The following KIF1C variants were observed in gnomAD, a reference collection of about 807,000 sequenced individuals.
The protein encoded by KIF1C is kinesin family member 1C.
A neutral mutation model predicts 126.5 loss-of-function variants in KIF1C; 61 were observed. The observed-to-expected ratio is 0.48, with a 90% CI of 0.39 to 0.60. The LOEUF (loss-of-function observed/expected upper bound fraction) is 0.60. Ranked by LOEUF, KIF1C falls within the 20% of genes least tolerant of loss-of-function variation. The pLI is 0.00. For missense variants in KIF1C, 1,315 were observed against 1,489.2 expected (o/e 0.88, Z 1.93); for synonymous variants, 640 against 580.6 (o/e 1.10, Z -1.47).
At position 5,020,386 on chromosome 17, in the gene KIF1C, G is replaced by C. The variant is rs1567727619; in HGVS notation, c.1751-106G>C. ...CTGCCTTCAGACTTGGGGTGATGAA[G>C]GGGAGGGTGTCACAGCCCCTGTGCC... On this transcript the variant is annotated intron_variant, in intron 19 of 22. Transcript: ENST00000320785. The surrounding 1 kb of genome is among the most constrained non-coding windows in gnomAD (Gnocchi z 5.8). 2.6e-6 allele frequency: 3 copies of C among 1,172,892 alleles called. No homozygotes were observed. The highest frequency in any genetic ancestry group is 1.5e-5 in the African/African-American group (1 of 64,860). The allele number at this position is 1,172,892 out of a possible 1,614,324, so 72.7% of individuals were successfully genotyped here.
Position 5,023,895 on chromosome 17 carries a change from G to A in KIF1C, c.3056G>A (p.Arg1019Gln), listed in dbSNP as rs764293529. 7.1e-6 allele frequency: 11 copies of A among 1,547,672 alleles called. No individual in the cohort carries two copies. The East Asian group carries it at 1.6e-4, about 22-fold the overall frequency. ...CCCCATCCAGCCACCCCTGCCCGCC[G>A]GCCTCCGAGTCCCCGAAGGTCCCAC... ...VTPHPATPAR[R>Q]PPSPRRSHHP... Residue 1019 changes from arginine (R) to glutamine (Q), a missense_variant, in exon 23 of 23, where the codon CGG becomes CAG. Transcript: ENST00000320785. The surrounding 1 kb of genome is among the most constrained non-coding windows in gnomAD (Gnocchi z 4.2).
Position 5,007,314 on chromosome 17 carries a change from C to T in KIF1C, c.1387C>T (p.Arg463Cys), listed in dbSNP as rs759516774. Residue 463 changes from arginine (R) to cysteine (C), a missense_variant, in exon 15 of 23, where the codon CGC (arginine) becomes TGC (cysteine). Around this residue, in one of 2 missense-constraint regions of KIF1C, gnomAD observed 874 missense variants for 1,053.2 expected, o/e 0.83. Coordinates refer to ENST00000320785, the MANE Select transcript of KIF1C (RefSeq NM_006612.6). ...ELNETWEEKL[R>C]KTEALRMERE... Reference sequence around the variant, plus strand: ...GAACGAGACATGGGAGGAGAAGCTACGCAAGACAGAAGCCCTGAGGATGGA... The same window carrying T: ...GAACGAGACATGGGAGGAGAAGCTATGCAAGACAGAAGCCCTGAGGATGGA... 3.5e-5 allele frequency: 57 copies of T among 1,613,014 alleles called. No individual in the cohort carries two copies. The highest frequency in any genetic ancestry group is 1.6e-4 in the South Asian group (15 of 91,016).
At position 5,025,159 on chromosome 17, in the gene KIF1C, C is replaced by G. The variant is rs1191977118; in HGVS notation, c.*1008C>G. ...AAAGTGGTGGGATTACAGGTGTGAGCCACCGCGCCCGGCCTCCCCTGCTTT... is the reference window on the plus strand; with the variant it reads ...AAAGTGGTGGGATTACAGGTGTGAGGCACCGCGCCCGGCCTCCCCTGCTTT... On this transcript the variant is annotated 3_prime_UTR_variant, in exon 23 of 23. Coordinates refer to ENST00000320785, the MANE Select transcript of KIF1C (RefSeq NM_006612.6). The G allele has an allele frequency of 1.3e-5, 2 of 152,534 alleles. No individual in the cohort carries two copies. Among genetic ancestry groups the G allele is most frequent in the African/African-American group, 2.4e-5 (1 of 41,436 alleles). 9.4% of individuals were successfully genotyped at this position (152,534 alleles called of 1,614,324 possible). A position where few individuals can be genotyped will look rare whatever the true frequency, so the allele number is the denominator to read the frequency against.
intron 4 of KIF1C, 30 bp from the exon 5 acceptor site, chr17:5,001,192 C>T: frequency 6.2e-7 from 1 of 1,609,038 alleles, no homozygotes. Flanking sequence ...CAGGGTTACT[C>T]TGTTTTTCTC....
Position 5,022,673 on chromosome 17 carries a change from C to T in KIF1C, c.2592C>T (p.Arg864=). The change falls in exon 22 of 23, where the codon CGC becomes CGT. Residue 864 remains arginine, a synonymous_variant. Coordinates refer to ENST00000320785, the MANE Select transcript of KIF1C (RefSeq NM_006612.6). The surrounding 1 kb of genome is among the most constrained non-coding windows in gnomAD (Gnocchi z 4.9). ...GGGAGCTGCAGGCCCTGCGGGACCG[C>T]ATGCTCCGCATGGAGAGGGTCATCC... ...KDRELQALRD[R]MLRMERVIPL... 6.3e-7 allele frequency: 1 copy of T among 1,577,138 alleles called. No homozygotes were observed. Among genetic ancestry groups the T allele is most frequent in the African/African-American group, 1.3e-5 (1 of 74,286 alleles).
intron 11 of KIF1C, 56 bp downstream of exon 11, chr17:5,004,129 G>A (rs1597844764): frequency 8.2e-7 from 1 of 1,217,290 alleles, no homozygotes; most frequent in Non-Finnish European, 1.2e-6. Flanking sequence ...AAACTCTTTT[G>A]ATACATCTGA....
chr17:5,005,043 C>T (rs1274866981), intron 13 of KIF1C, 43 bp downstream of exon 13: 1 of 1,612,016 alleles, frequency 6.2e-7, no homozygotes. Flanking sequence ...GCCCCTTGGC[C>T]CACCCCATCC....
chr17:5,016,903 C>CA (rs550926473), intron 18 of KIF1C, among the ~76,000 whole-genome samples: 4,704 of 84,838 alleles, frequency 0.055, 86 homozygotes, highest in Middle Eastern at 0.071. Context: ...GAGACTGTTT[C>CA]AAAAAAAAAA....
rs764606462 is a variant in KIF1C at position 5,022,085 on chromosome 17, G to T, written c.2011-7G>T. The T allele has an allele frequency of 6.3e-7, 1 of 1,589,732 alleles. No individual in the cohort carries two copies. Among genetic ancestry groups the T allele is most frequent in the Non-Finnish European group, 8.6e-7 (1 of 1,164,600 alleles). The stretch of plus-strand genomic sequence containing the variant: ...CCCTCTCTTCCTCTTTCTTTCTCTG[G>T]CCCCAGTATGCAGACTCGGACAGCG... On this transcript the variant is annotated splice_polypyrimidine_tract_variant and splice_region_variant and intron_variant, in intron 21 of 22. Transcript: ENST00000320785. This position sits in a 1 kb window ranked among gnomAD's most constrained non-coding sequence, Gnocchi z 4.9.
At position 5,020,236 on chromosome 17, in the gene KIF1C, G is replaced by C; in HGVS notation, c.1750+157G>C. The C allele has an allele frequency of 1.4e-6, 1 of 711,044 alleles. No homozygotes were observed. Among genetic ancestry groups the C allele is most frequent in the South Asian group, 1.7e-5 (1 of 57,310 alleles). 44.0% of individuals were successfully genotyped at this position (711,044 alleles called of 1,614,324 possible). A position where few individuals can be genotyped will look rare whatever the true frequency, so the allele number is the denominator to read the frequency against. On this transcript the variant is annotated intron_variant, in intron 19 of 22. Coordinates refer to ENST00000320785, the MANE Select transcript of KIF1C (RefSeq NM_006612.6). The surrounding 1 kb of genome is among the most constrained non-coding windows in gnomAD (Gnocchi z 5.8). ...GGAACTGGGAAGTGAAGGTCAAGGAGTCAGGTCTTGGTTTCTCTTTCCGCC... is the reference window on the plus strand; with the variant it reads ...GGAACTGGGAAGTGAAGGTCAAGGACTCAGGTCTTGGTTTCTCTTTCCGCC...
chr17:5,015,582 CTTTTTTTTTTT>C (rs58961639), intron 18 of KIF1C, among the ~76,000 whole-genome samples: 3 of 71,244 alleles, frequency 4.2e-5, no homozygotes, highest in African/African-American at 1.8e-4. Context: ...CTGCCCCCAG[CTTTTTTTTTTT>C]TTTTTTTTTT....
chr17:5,007,681 C>A, intron 16 of KIF1C, 139 bp downstream of exon 16: 2 of 582,726 alleles, frequency 3.4e-6, no homozygotes, highest in Non-Finnish European at 5.8e-6. Context: ...TTTCTGTCCC[C>A]TCCCCTGCCA....
In KIF1C at chr17:5,024,333, C is replaced by A; in HGVS notation, c.*182C>A. On this transcript the variant is annotated 3_prime_UTR_variant, in exon 23 of 23. Coordinates refer to ENST00000320785, the MANE Select transcript of KIF1C (RefSeq NM_006612.6). ...GGAGGCTGAGGAAAGGAAGAGGGCACGGAGTTGCCAGGAGCAAACCAAAGT... is the reference window on the plus strand; with the variant it reads ...GGAGGCTGAGGAAAGGAAGAGGGCAAGGAGTTGCCAGGAGCAAACCAAAGT... 2.0e-6 allele frequency: 1 copy of A among 512,818 alleles called. No homozygotes were observed. Among genetic ancestry groups the A allele is most frequent in the South Asian group, 3.0e-5 (1 of 33,738 alleles). The allele number at this position is 512,818 out of a possible 1,614,324, so 31.8% of individuals were successfully genotyped here. A position where few individuals can be genotyped will look rare whatever the true frequency, so the allele number is the denominator to read the frequency against.
In KIF1C at chr17:5,022,787, C is replaced by G; in HGVS notation, c.2628+78C>G. The G allele has an allele frequency of 7.1e-7, 1 of 1,403,282 alleles. No homozygotes were observed. The highest frequency in any genetic ancestry group is 1.4e-5 in the African/African-American group (1 of 69,434). 86.9% of individuals were successfully genotyped at this position (1,403,282 alleles called of 1,614,324 possible). A position where few individuals can be genotyped will look rare whatever the true frequency, so the allele number is the denominator to read the frequency against. ...GAGTCTGAACCTTCCATCTCAGAGC[C>G]TAACCTTCCCCAAGTCTGGAAAAAA... On this transcript the variant is annotated intron_variant, in intron 22 of 22. Coordinates refer to ENST00000320785, the MANE Select transcript of KIF1C (RefSeq NM_006612.6). The surrounding 1 kb of genome is among the most constrained non-coding windows in gnomAD (Gnocchi z 4.9).
intron 13 of KIF1C, 30 bp downstream of exon 13, chr17:5,005,030 G>A: frequency 1.2e-6 from 2 of 1,613,856 alleles, no homozygotes; most frequent in South Asian, 2.2e-5. Flanking sequence ...GCAGCTCAGG[G>A]ATGCCCCTTG....
At chr17:5,004,702 A>G (rs1411239082) in intron 12 of KIF1C, 57 bp downstream of exon 12, 95 of 1,594,018 alleles carry the variant, frequency 6.0e-5, no homozygotes, top group Non-Finnish European at 7.4e-5. Context: ...CCAGGAGTTC[A>G]GAGGCGAGTT....
rs1156956004 is a variant in KIF1C at position 5,019,979 on chromosome 17, T to A, written c.1667-17T>A. 6.3e-7 allele frequency: 1 copy of A among 1,587,852 alleles called. No individual in the cohort carries two copies. Among genetic ancestry groups the A allele is most frequent in the Non-Finnish European group, 8.6e-7 (1 of 1,165,088 alleles). On this transcript the variant is annotated splice_polypyrimidine_tract_variant and intron_variant, in intron 18 of 22. Coordinates refer to ENST00000320785, the MANE Select transcript of KIF1C (RefSeq NM_006612.6). ...TCCAGGGTCTAATCTTTCCCCTTCC[T>A]CTGCCCCTCCATTCAGTGGTGGTCA...
intron 13 of KIF1C, among the ~76,000 whole-genome samples, chr17:5,006,397 C>T (rs985549749): frequency 7.3e-5 from 11 of 151,652 alleles, no homozygotes; most frequent in South Asian, 2.1e-4. Context: ...AGTGCAATGG[C>T]GTGGTCTCGG....
Position 5,022,246 on chromosome 17 carries a change from C to T in KIF1C, c.2165C>T (p.Pro722Leu). The change falls in exon 22 of 23, where the codon CCT becomes CTT. Residue 722 changes from proline to leucine, a missense_variant. Around this residue, in one of 2 missense-constraint regions of KIF1C, gnomAD observed 874 missense variants for 1,053.2 expected, o/e 0.83. Coordinates refer to ENST00000320785, the MANE Select transcript of KIF1C (RefSeq NM_006612.6). This position sits in a 1 kb window ranked among gnomAD's most constrained non-coding sequence, Gnocchi z 4.9. ...CCCAGCAGTGGCAAGCGCAGGGCCC[C>T]TCGCAGGGTTTATCAGATCCCCCAG... Reference protein sequence around the residue: ...GLPSSGKRRAPRRVYQIPQRR... With the variant: ...GLPSSGKRRALRRVYQIPQRR... The T allele has an allele frequency of 6.2e-7, 1 of 1,614,188 alleles. No individual in the cohort carries two copies. The highest frequency in any genetic ancestry group is 1.1e-5 in the South Asian group (1 of 91,090).
Sources: gnomAD v4.1 joint callset for allele counts (sites outside exome capture counted in the v4.1 genomes callset) on GRCh38, gnomAD v4.1.1 for gene constraint, gnomAD v4.1.1 regional missense constraint, Gnocchi (gnomAD v3.1) non-coding constraint, MANE v1.5 for transcripts, NCBI Gene and HGNC (gene_info 2026-07-23, HGNC 2026-07-21) for gene names.